Variants in FAM193B observed in about 807,000 individuals in gnomAD.
FAM193B encodes the protein family with sequence similarity 193 member B, also known as protein FAM193B.
Under a neutral mutation model 70.7 loss-of-function variants are expected in FAM193B, and 27 were observed. That is an observed-to-expected ratio of 0.38 (90% confidence interval 0.28 to 0.53). The LOEUF (loss-of-function observed/expected upper bound fraction) is 0.53, where lower values mean the gene tolerates loss of function less well. Among genes scored for constraint, FAM193B ranks in the 20% least tolerant of loss-of-function variants. The probability of loss-of-function intolerance (pLI) is 0.81; values close to 1 mark genes in which losing one functional copy is unlikely to be tolerated. For synonymous variants in FAM193B, 448 were observed against 436.0 expected (o/e 1.03, Z -0.34); for missense variants, 1,022 against 1,072.5 (o/e 0.95, Z 0.66).
At chr5:177,540,089 G>A (rs1022745702) in intron 1 of FAM193B, among the ~76,000 whole-genome samples, 3 of 151,904 alleles carry the variant, frequency 2.0e-5, no homozygotes, top group African/African-American at 7.3e-5. Context: ...GGCGGATCAC[G>A]AGGTCAGGAG....
intron 1 of FAM193B, chr5:177,553,893 G>A: frequency 8.1e-7 from 1 of 1,230,902 alleles, no homozygotes. Context: ...CTGTGGCTGA[G>A]GGAGCAGGTG....
At position 177,539,015 on chromosome 5, in the gene FAM193B, G is replaced by A. The variant is rs766418547; in HGVS notation, c.343C>T (p.Pro115Ser). The change falls in exon 2 of 9, where the codon CCA becomes TCA. Residue 115 changes from proline (P) to serine (S), a missense_variant. Transcript: ENST00000514747. ...QGEKLPPDFM[P>S]KLVKNLLGEM... ...CCTAGGAGATTCTTGACGAGCTTTG[G>A]CATGAAGTCAGGGGGCAGCTTCTCA... 1.2e-6 allele frequency: 2 copies of A among 1,614,036 alleles called. No homozygotes were observed. Among genetic ancestry groups the A allele is most frequent in the Admixed American group, 1.7e-5 (1 of 60,024 alleles).
At chr5:177,531,529 T>TGGGGGGGG in intron 5 of FAM193B, 1 of 488,044 alleles carries the variant, frequency 2.0e-6, no homozygotes, top group Non-Finnish European at 3.3e-6. Context: ...TGGCTGGGGG[T>TGGGGGGGG]GGGGGGGAGG....
At chr5:177,536,806 C>G in intron 3 of FAM193B, 61 bp from the exon 4 acceptor site, 1 of 1,524,320 alleles carries the variant, frequency 6.6e-7, no homozygotes, top group East Asian at 2.5e-5. Context: ...AAGGAAAGCC[C>G]ACAGGCTCAC....
chr5:177,549,139 G>A (rs956012496), intron 1 of FAM193B, among the ~76,000 whole-genome samples: 54 of 150,248 alleles, frequency 3.6e-4, no homozygotes, highest in Admixed American at 2.8e-3. Context: ...TAAGCATACC[G>A]CACTTGTTGG....
intron 1 of FAM193B, chr5:177,553,579 C>A: frequency 1.7e-6 from 2 of 1,168,626 alleles, no homozygotes; most frequent in African/African-American, 3.2e-5. Flanking sequence ...TCCTACTGTT[C>A]GCTCTCAGCA....
rs561587747 is a variant in FAM193B, at chr5:177,537,127, C to T, written c.689-382G>A. 1.6e-4 allele frequency among the ~76,000 whole-genome samples: 24 copies of T among 152,282 alleles called. No homozygotes were observed. In the South Asian group the frequency reaches 3.5e-3, roughly 22 times the overall value. On this transcript the variant is annotated intron_variant, in intron 3 of 8. Transcript: ENST00000514747. ...AGGCCCAGGCTCTGCCTCTGTGCCA[C>T]GTGTACCACAGCAGCAGGGCATGCC...
chr5:177,521,322 T>C (rs1275331989), intron 8 of FAM193B, among the ~76,000 whole-genome samples: 1 of 152,208 alleles, frequency 6.6e-6, no homozygotes, highest in Non-Finnish European at 1.5e-5. Flanking sequence ...ATCTGGTACA[T>C]CATTGTTTCA....
chr5:177,544,609 T>G (rs890368618), intron 1 of FAM193B, among the ~76,000 whole-genome samples: 2 of 151,960 alleles, frequency 1.3e-5, no homozygotes, highest in African/African-American at 4.8e-5. Flanking sequence ...TCTACCACCA[T>G]GAGTTTGACA....
rs751546318 is a variant in FAM193B at position 177,554,233 on chromosome 5, CCCCG to C, written c.210+12_210+15del. ...GAAAGCGCCCGAGCCGCCGAAGTCTCCCCGCTCGCTCCTACCTGCGGGCCGGGCA... is the reference window on the plus strand; with the variant it reads ...GAAAGCGCCCGAGCCGCCGAAGTCTCCTCGCTCCTACCTGCGGGCCGGGCA... On this transcript the variant is annotated intron_variant, in intron 1 of 8. Coordinates refer to ENST00000514747, the MANE Select transcript of FAM193B (RefSeq NM_001190946.3). 6.5e-5 allele frequency: 97 copies of C among 1,488,104 alleles called. 2 individuals are homozygous for C. In the South Asian group the frequency reaches 1.1e-3, roughly 17 times the overall value. 92.2% of individuals were successfully genotyped at this position (1,488,104 alleles called of 1,614,324 possible).
Position 177,537,873 on chromosome 5 carries a change from C to G in FAM193B, c.688G>C (p.Gly230Arg). ...CTCTCTCCCGAGCCTGGAGACTCAC[C>G]GGGGATGGTAGGAGGACTCCCAAGA... ...SSLGSPPTIP[G>R]EAFPVSEHHQ... The change falls in exon 3 of 9, where the codon GGT becomes CGT. Residue 230 changes from glycine to arginine, a missense_variant and splice_region_variant. Gly to Arg is a moderately radical substitution (Grantham distance 125). Coordinates refer to ENST00000514747, the MANE Select transcript of FAM193B (RefSeq NM_001190946.3). 6.2e-7 allele frequency: 1 copy of G among 1,606,720 alleles called. No individual in the cohort carries two copies.
chr5:177,539,352 G>T, intron 1 of FAM193B: 1 of 616,386 alleles, frequency 1.6e-6, no homozygotes, highest in Non-Finnish European at 2.6e-6. Context: ...CAGATTTCAA[G>T]AAGTTAAATG....
In FAM193B at chr5:177,532,083, A is replaced by G. The variant is rs576648544; in HGVS notation, c.1275+360T>C. ...TGGCTGTCACACTTGGGGGACTGAG[A>G]GCCTTTTTGCTTCCACTCTGCCTTC... is the stretch of plus-strand genomic sequence containing the variant. On this transcript the variant is annotated intron_variant, in intron 5 of 8. Coordinates refer to ENST00000514747, the MANE Select transcript of FAM193B (RefSeq NM_001190946.3). This position sits in a 1 kb window ranked among gnomAD's most constrained non-coding sequence, Gnocchi z 4.9. The G allele has an allele frequency of 2.3e-6, 3 of 1,300,934 alleles. No individual in the cohort carries two copies. In the East Asian group the frequency reaches 1.6e-4, roughly 70 times the overall value. The allele number at this position is 1,300,934 out of a possible 1,614,324, so 80.6% of individuals were successfully genotyped here.
rs1309709664 is a variant in FAM193B at position 177,524,609 on chromosome 5, C to T, written c.1872G>A (p.Leu624=). The T allele has an allele frequency of 3.1e-6, 5 of 1,612,114 alleles. No homozygotes were observed. Among genetic ancestry groups the T allele is most frequent in the East Asian group, 2.2e-5 (1 of 44,884 alleles). Residue 624 remains leucine (L), a synonymous_variant, in exon 6 of 9, where the codon CTG becomes CTA. Transcript: ENST00000514747. ...TCCCACCTGAGGACACAGGCTCAGG[C>T]AGCTCCTGCTTGCAACTGGGAACTT... ...SKEVPSCKQE[L]PEPVSSGGKP... is the part of the protein sequence containing the mutation.
chr5:177,547,323 C>T (rs1581934091), intron 1 of FAM193B: 3 of 99,242 alleles, frequency 3.0e-5, no homozygotes, highest in South Asian at 7.4e-4. Context: ...TTCGCTCTGT[C>T]GCCCAGGCTG....
Position 177,519,897 on chromosome 5 carries a change from A to C in FAM193B, c.*286T>G, listed in dbSNP as rs1001522132. 2.6e-5 allele frequency: 4 copies of C among 152,238 alleles called. No homozygotes were observed. Among genetic ancestry groups the C allele is most frequent in the Admixed American group, 1.3e-4 (2 of 15,280 alleles). The allele number at this position is 152,238 out of a possible 1,614,324, so 9.4% of individuals were successfully genotyped here. A position where few individuals can be genotyped will look rare whatever the true frequency, so the allele number is the denominator to read the frequency against. On this transcript the variant is annotated 3_prime_UTR_variant, in exon 9 of 9. Coordinates refer to ENST00000514747, the MANE Select transcript of FAM193B (RefSeq NM_001190946.3). ...AAACAAAAACAAAAAAACCAAACAC[A>C]AAGAGAGCAGTGTTGGGCCAGCAGT...
intron 5 of FAM193B, chr5:177,531,523 T>TGGGGGTGGGG: frequency 5.0e-6 from 2 of 399,884 alleles, no homozygotes; most frequent in Non-Finnish European, 8.9e-6. Context: ...AGCGGGTGGC[T>TGGGGGTGGGG]GGGGGTGGGG....
At chr5:177,544,827 T>C (rs1440105821) in intron 1 of FAM193B, among the ~76,000 whole-genome samples, 2 of 152,216 alleles carry the variant, frequency 1.3e-5, no homozygotes, top group African/African-American at 2.4e-5. Flanking sequence ...ACTTCACTGA[T>C]ATGGGCTCAA....
intron 1 of FAM193B, among the ~76,000 whole-genome samples, chr5:177,540,150 C>CA (rs1003552654): frequency 2.0e-5 from 3 of 151,632 alleles, no homozygotes; most frequent in Non-Finnish European, 2.9e-5. Context: ...ACTAAAAACA[C>CA]AAAAAAATTA....
Sources: gnomAD v4.1 joint callset for allele counts (sites outside exome capture counted in the v4.1 genomes callset) on GRCh38, gnomAD v4.1.1 for gene constraint, Gnocchi (gnomAD v3.1) non-coding constraint, MANE v1.5 for transcripts, NCBI Gene and HGNC (gene_info 2026-07-23, HGNC 2026-07-21) for gene names.